ME1: variants seen among roughly 807,000 people sequenced by gnomAD.
ME1 encodes the protein NADP-dependent malic enzyme.
ME1 carries 74 observed loss-of-function variants against 66.4 expected under a neutral mutation model. The ratio of observed to expected loss-of-function variants is 1.11; its 90% CI spans 0.92 to 1.35. The LOEUF is 1.35. ME1 is among the 40% of genes most tolerant of loss of function. The pLI, the probability that ME1 is intolerant of heterozygous loss-of-function variation, is 0.00. For missense variants in ME1, 750 were observed against 694.1 expected, an observed-to-expected ratio of 1.08 and a Z score of -0.90; for synonymous variants, 251 against 235.6, an observed-to-expected ratio of 1.07 and a Z score of -0.60.
At chr6:83,268,728 GTTATTATTATTATTATTA>G (rs57723634) in intron 6 of ME1, among the ~76,000 whole-genome samples, 1 of 143,772 alleles carries the variant, frequency 7.0e-6, no homozygotes, top group Non-Finnish European at 1.5e-5. Flanking sequence ...ACCATGCCCC[GTTATTATTATTATTATTA>G]TTATTATTAT....
At chr6:83,312,459 C>T (rs1470173963) in intron 6 of ME1, among the ~76,000 whole-genome samples, 2 of 152,142 alleles carry the variant, frequency 1.3e-5, no homozygotes, top group Non-Finnish European at 2.9e-5. Flanking sequence ...GAAGAGCTCT[C>T]ATTGTGGAGA....
chr6:83,348,440 A>G (rs1768728463), intron 4 of ME1, among the ~76,000 whole-genome samples: 1 of 152,136 alleles, frequency 6.6e-6, no homozygotes, highest in African/African-American at 2.4e-5. Context: ...ACTTACAAAT[A>G]TTTTTAATGA....
Position 83,244,958 on chromosome 6 carries a change from C to T in ME1, c.815-5322G>A, listed in dbSNP as rs1790591254. 2.0e-5 allele frequency among the ~76,000 whole-genome samples: 3 copies of T among 152,044 alleles called. No individual in the cohort carries two copies. In the South Asian group the frequency reaches 6.2e-4, roughly 32 times the overall value. On this transcript the variant is annotated intron_variant, in intron 7 of 13. Coordinates refer to ENST00000369705, the MANE Select transcript of ME1 (RefSeq NM_002395.6). ...AATCAAGAAAGAAAATGAAAAATTG[C>T]TATTGGATCTTGCAATTACATCACC...
At chr6:83,414,320 T>G (rs1034239489) in intron 1 of ME1, among the ~76,000 whole-genome samples, 2 of 152,006 alleles carry the variant, frequency 1.3e-5, no homozygotes, top group Admixed American at 6.6e-5. Context: ...AGAAAACCAA[T>G]TATTTAAGGC....
At chr6:83,356,850 T>C (rs770532011) in intron 3 of ME1, among the ~76,000 whole-genome samples, 2 of 152,144 alleles carry the variant, frequency 1.3e-5, no homozygotes, top group Non-Finnish European at 2.9e-5. Context: ...TCCTACATAA[T>C]CTTAACCAGA....
rs989633735 is a variant in ME1, at chr6:83,346,255, T to C, written c.518A>G (p.Lys173Arg). The C allele has an allele frequency of 1.9e-6, 3 of 1,613,488 alleles. No individual in the cohort carries two copies. In the African/African-American group the frequency reaches 4.0e-5, roughly 22 times the overall value. Residue 173 changes from lysine to arginine, a missense_variant, in exon 5 of 14, where the codon AAA (lysine) becomes AGA (arginine). By Grantham distance (26) the Lys-to-Arg change is conservative (BLOSUM62 2). Transcript: ENST00000369705. ...TCCGCAAGCTGTATATAGAGCCAAT[T>C]TACCCACAGGGATGCCCATTCCATT... is the stretch of plus-strand genomic sequence containing the variant. Reference protein sequence around the residue: ...GCNGMGIPVGKLALYTACGGM... With the variant: ...GCNGMGIPVGRLALYTACGGM...
At chr6:83,269,894 T>C (rs1371700413) in intron 6 of ME1, among the ~76,000 whole-genome samples, 1 of 152,174 alleles carries the variant, frequency 6.6e-6, no homozygotes, top group African/African-American at 2.4e-5. Flanking sequence ...AAAGTCTTCA[T>C]TAACTTCTAA....
chr6:83,371,789 C>T (rs937591494), intron 3 of ME1, among the ~76,000 whole-genome samples: 1 of 152,174 alleles, frequency 6.6e-6, no homozygotes, highest in Non-Finnish European at 1.5e-5. Flanking sequence ...GAAAATCTGT[C>T]ACTAGTTTCC....
chr6:83,273,331 G>A (rs1337274008), intron 6 of ME1, among the ~76,000 whole-genome samples: 1 of 152,034 alleles, frequency 6.6e-6, no homozygotes, highest in East Asian at 1.9e-4. Flanking sequence ...ATAAACAATT[G>A]ACTAAAAATA....
At chr6:83,422,794 A>G (rs1028365927) in intron 1 of ME1, among the ~76,000 whole-genome samples, 1 of 152,140 alleles carries the variant, frequency 6.6e-6, no homozygotes, top group African/African-American at 2.4e-5. Context: ...CAGTTTGGAA[A>G]ATAAAGAGAA....
chr6:83,408,523 G>A (rs1352841853), intron 1 of ME1, among the ~76,000 whole-genome samples: 1 of 152,090 alleles, frequency 6.6e-6, no homozygotes, highest in African/African-American at 2.4e-5. Context: ...GCTTCCTCCT[G>A]TCTAAAGCCT....
At chr6:83,279,136 T>C (rs1767243860) in intron 6 of ME1, among the ~76,000 whole-genome samples, 1 of 152,022 alleles carries the variant, frequency 6.6e-6, no homozygotes, top group Non-Finnish European at 1.5e-5. Flanking sequence ...ACAAAAACAA[T>C]GACACTGAAG....
intron 7 of ME1, among the ~76,000 whole-genome samples, chr6:83,242,224 T>G (rs1393694652): frequency 2.0e-5 from 3 of 152,184 alleles, no homozygotes; most frequent in Admixed American, 2.0e-4. Context: ...ACAGATCGAA[T>G]TTTTCTTAAC....
chr6:83,355,599 G>A (rs577871280), intron 3 of ME1, among the ~76,000 whole-genome samples: 8 of 152,120 alleles, frequency 5.3e-5, no homozygotes, highest in South Asian at 2.1e-4. Context: ...ATAAAGGACC[G>A]GTAACGTCCC....
intron 6 of ME1, among the ~76,000 whole-genome samples, chr6:83,314,329 C>T (rs1279871696): frequency 1.3e-5 from 2 of 152,106 alleles, no homozygotes; most frequent in Non-Finnish European, 2.9e-5. Context: ...TGATATGATG[C>T]CACCAGTTAC....
intron 6 of ME1, among the ~76,000 whole-genome samples, chr6:83,266,579 A>G (rs1327185108): frequency 6.6e-6 from 1 of 152,238 alleles, no homozygotes; most frequent in Non-Finnish European, 1.5e-5. Flanking sequence ...TCAAAATTAA[A>G]TACTAATTAA....
chr6:83,374,217 A>C (rs1364782641), intron 3 of ME1, among the ~76,000 whole-genome samples: 1 of 152,216 alleles, frequency 6.6e-6, no homozygotes, highest in East Asian at 1.9e-4. Flanking sequence ...CATTCCCACG[A>C]ACAATGTAAA....
chr6:83,255,985 C>T (rs184482975), intron 6 of ME1, among the ~76,000 whole-genome samples: 11 of 152,272 alleles, frequency 7.2e-5, no homozygotes, highest in Admixed American at 2.6e-4. Flanking sequence ...TTAATTCCTA[C>T]AGCTTTATAG....
At position 83,309,784 on chromosome 6, in the gene ME1, C is replaced by T. The variant is rs76950347; in HGVS notation, c.704+5526G>A. On this transcript the variant is annotated intron_variant, in intron 6 of 13. Coordinates refer to ENST00000369705, the MANE Select transcript of ME1 (RefSeq NM_002395.6). ...AAGCCCCGAAGCATTCTAATGTTTACAGCTGGCAGGGAGTGGGGAAGATGA... is the reference window on the plus strand; with the variant it reads ...AAGCCCCGAAGCATTCTAATGTTTATAGCTGGCAGGGAGTGGGGAAGATGA... Among the ~76,000 whole-genome samples, 68 of 152,118 alleles carry T rather than the reference C, an allele frequency of 4.5e-4. 1 individual carries two copies. In the East Asian group the frequency reaches 0.013, roughly 29 times the overall value.
Sources: allele counts gnomAD v4.1 joint callset (sites outside exome capture counted in the v4.1 genomes callset), GRCh38; gene constraint gnomAD v4.1.1; transcripts MANE v1.5; gene names NCBI Gene and HGNC (gene_info 2026-07-23, HGNC 2026-07-21).